Variants in FRA10AC1 observed in about 807,000 individuals in gnomAD.
FRA10AC1 encodes the protein protein FRA10AC1.
Under a neutral mutation model 56.5 loss-of-function variants are expected in FRA10AC1, and 43 were observed. That is an observed-to-expected ratio of 0.76 (90% CI 0.60 to 0.98). The LOEUF (loss-of-function observed/expected upper bound fraction) is 0.98. Ranked by LOEUF, FRA10AC1 falls within the 50% of genes least tolerant of loss-of-function variation. The pLI is 0.00. For synonymous variants in FRA10AC1, 112 were observed against 110.5 expected, an observed-to-expected ratio of 1.01 and a Z score of -0.09; for missense variants, 346 against 351.8, an observed-to-expected ratio of 0.98 and a Z score of 0.13.
At position 93,699,545 on chromosome 10, in the gene FRA10AC1, T is replaced by C. The variant is rs145851956; in HGVS notation, c.77+485A>G. Among the ~76,000 whole-genome samples the C allele has an allele frequency of 9.8e-5, 15 of 152,324 alleles. No individual in the cohort carries two copies. The East Asian group carries it at 2.9e-3, about 29-fold the overall frequency. On this transcript the variant is annotated intron_variant, in intron 2 of 13. Transcript: ENST00000359204. ...TTATGTGCTAAGAGTTTTTGTCTCT[T>C]GCAATTCAAAAAAACCTTCCTTGAG...
rs370730202 is a variant in FRA10AC1 at position 93,700,069 on chromosome 10, T to C, written c.38A>G (p.Asp13Gly). ...GHGGYDSDFS[D>G]DERCGESSKR... ...GCTGGATTCTCCACAGCGTTCATCA[T>C]CACTAAAATCAGAATCATAGCCTCC... Residue 13 changes from aspartate (D) to glycine (G), a missense_variant, in exon 2 of 14, where the codon GAT becomes GGT. Asp to Gly is a moderately conservative substitution (Grantham distance 94). Transcript: ENST00000359204. 2.6e-5 allele frequency: 41 copies of C among 1,603,956 alleles called. 1 individual carries two copies. Among genetic ancestry groups the C allele is most frequent in the Admixed American group, 1.0e-4 (6 of 59,456 alleles).
At chr10:93,678,403 T>C (rs2058878498) in intron 11 of FRA10AC1, among the ~76,000 whole-genome samples, 1 of 152,192 alleles carries the variant, frequency 6.6e-6, no homozygotes, top group Non-Finnish European at 1.5e-5. Flanking sequence ...TAACATTTTC[T>C]AAGACGGTAA....
intron 4 of FRA10AC1, 74 bp from the exon 5 acceptor site, chr10:93,695,011 TAA>T (rs3215997): frequency 2.6e-6 from 2 of 755,870 alleles, no homozygotes; most frequent in Non-Finnish European, 4.6e-6. Context: ...TGATTGGTGG[TAA>T]AAAAAAGCAC....
rs776731975 is a variant in FRA10AC1, at chr10:93,685,268, C to A, written c.603G>T (p.Lys201Asn). 6.5e-7 allele frequency: 1 copy of A among 1,542,820 alleles called. No individual in the cohort carries two copies. The highest frequency in any genetic ancestry group is 2.3e-5 in the East Asian group (1 of 44,036). ...TACTTAATTTAACAAGTGCATTTCTCTTCTCACCATGCTCAATATAACCAA... is the reference window on the plus strand; with the variant it reads ...TACTTAATTTAACAAGTGCATTTCTATTCTCACCATGCTCAATATAACCAA... ...VNFGYIEHGEKRNALVKLRLC... is the reference protein window; with the variant it reads ...VNFGYIEHGENRNALVKLRLC... The change falls in exon 9 of 14, where the codon AAG becomes AAT. Residue 201 changes from lysine to asparagine, a missense_variant. By Grantham distance (94) the Lys-to-Asn change is moderately conservative. Transcript: ENST00000359204.
At chr10:93,682,176 C>G (rs1017754121) in intron 10 of FRA10AC1, among the ~76,000 whole-genome samples, 1 of 151,968 alleles carries the variant, frequency 6.6e-6, no homozygotes, top group Admixed American at 6.6e-5. Context: ...AGCAGGTTTA[C>G]AAGGTTGGCA....
Position 93,692,627 on chromosome 10 carries a change from G to A in FRA10AC1, c.380+19C>T, listed in dbSNP as rs370163492. The A allele has an allele frequency of 1.9e-5, 28 of 1,487,028 alleles. No individual in the cohort carries two copies. The highest frequency in any genetic ancestry group is 1.7e-4 in the Middle Eastern group (1 of 5,846). The allele number at this position is 1,487,028 out of a possible 1,614,324, so 92.1% of individuals were successfully genotyped here. The stretch of plus-strand genomic sequence containing the variant: ...AGGACTAAAGCATTTGATGCATTAC[G>A]CCTCTGATGGCTAATTACCAAGTCA... On this transcript the variant is annotated intron_variant, in intron 6 of 13. Transcript: ENST00000359204.
At chr10:93,681,684 T>C in intron 10 of FRA10AC1, 86 bp from the exon 11 acceptor site, 1 of 1,199,412 alleles carries the variant, frequency 8.3e-7, no homozygotes, top group Non-Finnish European at 1.1e-6. Context: ...AAAACCAAAA[T>C]CAGTTAAAAT....
In FRA10AC1 at chr10:93,669,490, T is replaced by A. The variant is rs75841594; in HGVS notation, c.*336A>T. ...AAGAAGAAATAATAAAATAAAATAA[T>A]GAAGGCAAGAGAAGATACATAATGA... On this transcript the variant is annotated 3_prime_UTR_variant, in exon 14 of 14. Transcript: ENST00000359204. 6.2e-4 allele frequency: 123 copies of A among 197,230 alleles called. 1 individual carries two copies. The highest frequency in any genetic ancestry group is 2.8e-3 in the African/African-American group (119 of 42,756). The allele number at this position is 197,230 out of a possible 1,614,324, so 12.2% of individuals were successfully genotyped here.
At chr10:93,686,848 T>C (rs980771340) in intron 8 of FRA10AC1, among the ~76,000 whole-genome samples, 2 of 151,750 alleles carry the variant, frequency 1.3e-5, no homozygotes, top group Non-Finnish European at 3.0e-5. Context: ...CCAGGAAAAA[T>C]TTAATGAATA....
At chr10:93,672,512 G>C (rs1302159973) in intron 12 of FRA10AC1, 1 of 153,730 alleles carries the variant, frequency 6.5e-6, no homozygotes, top group East Asian at 1.9e-4. Context: ...GGCCTAGCAA[G>C]GTTATTACTA....
At chr10:93,696,723 G>A (rs2059240599) in intron 4 of FRA10AC1, among the ~76,000 whole-genome samples, 1 of 152,174 alleles carries the variant, frequency 6.6e-6, no homozygotes, top group African/African-American at 2.4e-5. Context: ...ATCAATGATA[G>A]ACCAGATAAA....
chr10:93,679,115 T>C (rs2058890648), intron 11 of FRA10AC1, among the ~76,000 whole-genome samples: 1 of 152,176 alleles, frequency 6.6e-6, no homozygotes, highest in South Asian at 2.1e-4. Flanking sequence ...TTATATACCA[T>C]AGAAGTTGGG....
At chr10:93,686,724 T>C (rs553511119) in intron 8 of FRA10AC1, among the ~76,000 whole-genome samples, 1 of 152,008 alleles carries the variant, frequency 6.6e-6, no homozygotes, top group South Asian at 2.1e-4. Flanking sequence ...AAAGTAAGTT[T>C]AAAATTATTT....
chr10:93,688,074 C>T (rs2059062846), intron 7 of FRA10AC1: 1 of 152,092 alleles, frequency 6.6e-6, no homozygotes, highest in Non-Finnish European at 1.5e-5. Context: ...TAGATGTTTA[C>T]AGCAACTTTA....
At chr10:93,690,781 G>A (rs556277216) in intron 7 of FRA10AC1, among the ~76,000 whole-genome samples, 1 of 152,204 alleles carries the variant, frequency 6.6e-6, no homozygotes, top group Non-Finnish European at 1.5e-5. Flanking sequence ...AACCAGATGT[G>A]GTACAGAGAA....
intron 7 of FRA10AC1, among the ~76,000 whole-genome samples, chr10:93,688,885 A>C (rs1015134326): frequency 2.0e-5 from 3 of 152,162 alleles, no homozygotes; most frequent in Non-Finnish European, 2.9e-5. Context: ...ACCCAACTCA[A>C]GAAGCTCTTG....
chr10:93,693,673 CAT>C (rs368987348), intron 5 of FRA10AC1, among the ~76,000 whole-genome samples: 41 of 92,076 alleles, frequency 4.5e-4, no homozygotes, highest in Middle Eastern at 6.4e-3. Context: ...ATATATACAC[CAT>C]ATATATATAT....
chr10:93,695,061 AC>A (rs2059209337), intron 4 of FRA10AC1, 124 bp from the exon 5 acceptor site: 1 of 611,500 alleles, frequency 1.6e-6, no homozygotes, highest in Non-Finnish European at 2.9e-6. Flanking sequence ...ATATTCACAC[AC>A]TATACATGCT....
Position 93,685,367 on chromosome 10 carries a change from A to C in FRA10AC1, c.512-8T>G. ...TTCCACAGAAAAATTGACCTGCAGA[A>C]AGGAAAGGAATATTAGCTATGGTAG... On this transcript the variant is annotated splice_region_variant and splice_polypyrimidine_tract_variant and intron_variant, in intron 8 of 13. Transcript: ENST00000359204. The C allele has an allele frequency of 7.5e-6, 9 of 1,203,478 alleles. No individual in the cohort carries two copies. The highest frequency in any genetic ancestry group is 1.1e-5 in the Non-Finnish European group (9 of 812,572). The allele number at this position is 1,203,478 out of a possible 1,614,324, so 74.5% of individuals were successfully genotyped here. A position where few individuals can be genotyped will look rare whatever the true frequency, so the allele number is the denominator to read the frequency against.
Sources: allele counts gnomAD v4.1 joint callset (sites outside exome capture counted in the v4.1 genomes callset), GRCh38; gene constraint gnomAD v4.1.1; transcripts MANE v1.5; gene names NCBI Gene and HGNC (gene_info 2026-07-23, HGNC 2026-07-21).